The following FBXL4 variants were observed in gnomAD, a reference collection of about 807,000 sequenced individuals.
FBXL4 encodes F-box and leucine rich repeat protein 4.
FBXL4 carries 40 observed loss-of-function variants against 58.9 expected under a neutral mutation model. That is an observed-to-expected ratio of 0.68 (90% CI 0.53 to 0.88). The LOEUF is 0.88. Among genes scored for constraint, FBXL4 ranks in the 40% least tolerant of loss-of-function variants. FBXL4 has a pLI of 0.00. For missense variants in FBXL4, 676 were observed against 734.4 expected (o/e 0.92, Z 0.92); for synonymous variants, 263 against 265.5 (o/e 0.99, Z 0.09).
chr6:98,894,911 A>AAAATTCTG (rs1284595716), intron 7 of FBXL4, among the ~76,000 whole-genome samples: 2 of 152,190 alleles, frequency 1.3e-5, no homozygotes, highest in Admixed American at 1.3e-4. Flanking sequence ...TATAAGGCTA[A>AAAATTCTG]AAATTCTGAA....
intron 8 of FBXL4, among the ~76,000 whole-genome samples, chr6:98,878,560 T>C (rs765050796): frequency 2.6e-5 from 4 of 152,028 alleles, no homozygotes; most frequent in Non-Finnish European, 4.4e-5. Context: ...GCCTTTAAAA[T>C]TGATTATCCT....
chr6:98,880,313 T>A (rs551403981), intron 8 of FBXL4, among the ~76,000 whole-genome samples: 1 of 152,334 alleles, frequency 6.6e-6, no homozygotes, highest in African/African-American at 2.4e-5. Context: ...GAGGCAGAAC[T>A]ATACTCTATT....
At chr6:98,898,810 G>C (rs1771499099) in intron 7 of FBXL4, 3 of 985,216 alleles carry the variant, frequency 3.0e-6, no homozygotes, top group Non-Finnish European at 3.6e-6. Flanking sequence ...AAAGCAAGTA[G>C]ACTAATATAT....
intron 7 of FBXL4, chr6:98,898,235 G>T: frequency 1.0e-6 from 1 of 954,410 alleles, no homozygotes; most frequent in Non-Finnish European, 1.2e-6. Context: ...CCCTGAGCTG[G>T]GACCAGGTCA....
At position 98,899,356 on chromosome 6, in the gene FBXL4, G is replaced by A. The variant is rs1554218821; in HGVS notation, c.1229C>T (p.Ser410Phe). The A allele has an allele frequency of 6.2e-7, 1 of 1,613,962 alleles. No homozygotes were observed. ...AGCTTGAGGTGGTAGCTTATCACAG[G>A]AGGAGAGATTTAAGGCCTGTAGATT... is the stretch of plus-strand genomic sequence containing the variant. ...CPNLQALNLS[S>F]CDKLPPQAFN... The change falls in exon 7 of 10, where the codon TCC becomes TTC. Residue 410 changes from serine to phenylalanine, a missense_variant. Transcript: ENST00000369244.
chr6:98,879,654 G>A (rs551367534), intron 8 of FBXL4, among the ~76,000 whole-genome samples: 4 of 152,020 alleles, frequency 2.6e-5, no homozygotes, highest in East Asian at 1.9e-4. Flanking sequence ...AGGCCGAGGC[G>A]GGCGGATCAC....
chr6:98,914,752 C>A (rs1772264481), intron 5 of FBXL4, among the ~76,000 whole-genome samples: 1 of 152,202 alleles, frequency 6.6e-6, no homozygotes, highest in Admixed American at 6.5e-5. Context: ...CCTTTGAAAA[C>A]TGGCACAAGA....
intron 7 of FBXL4, among the ~76,000 whole-genome samples, chr6:98,892,152 T>G (rs114035260): frequency 6.6e-6 from 1 of 152,348 alleles, no homozygotes; most frequent in South Asian, 2.1e-4. Context: ...TTAAACTTAT[T>G]ATCAGCTATT....
At chr6:98,912,455 C>A (rs1224889948) in intron 5 of FBXL4, among the ~76,000 whole-genome samples, 5 of 152,062 alleles carry the variant, frequency 3.3e-5, no homozygotes, top group Non-Finnish European at 7.4e-5. Flanking sequence ...CAAGGGAAGC[C>A]CATCAGACTA....
At chr6:98,898,410 T>C (rs1476333334) in intron 7 of FBXL4, 4 of 985,268 alleles carry the variant, frequency 4.1e-6, no homozygotes, top group Non-Finnish European at 4.8e-6. Flanking sequence ...TGTAAAACCA[T>C]GCACAGGCTC....
In FBXL4 at chr6:98,917,597, G is replaced by C. The variant is rs1289649107; in HGVS notation, c.635C>G (p.Ser212Cys). Residue 212 changes from serine (S) to cysteine (C), a missense_variant, in exon 5 of 10, where the codon TCT becomes TGT. Ser to Cys is a moderately radical substitution (Grantham distance 112). Coordinates refer to ENST00000369244, the MANE Select transcript of FBXL4 (RefSeq NM_001278716.2). ...TNLIRLEVNS[S>C]LLEYYTELDA... ...TAATTCAGTGTAATATTCCAGAAGA[G>C]AACTATTTACTTCCAGTCGTATAAG... 6.2e-7 allele frequency: 1 copy of C among 1,613,842 alleles called. No homozygotes were observed. Among genetic ancestry groups the C allele is most frequent in the Non-Finnish European group, 8.5e-7 (1 of 1,179,904 alleles).
At chr6:98,893,901 A>G (rs1771321534) in intron 7 of FBXL4, among the ~76,000 whole-genome samples, 1 of 152,182 alleles carries the variant, frequency 6.6e-6, no homozygotes. Flanking sequence ...TTTTTGAGAC[A>G]GGGTCTTGCT....
intron 7 of FBXL4, among the ~76,000 whole-genome samples, chr6:98,884,423 A>G (rs1438049033): frequency 6.6e-6 from 1 of 152,114 alleles, no homozygotes; most frequent in Non-Finnish European, 1.5e-5. Flanking sequence ...AATAAATTTT[A>G]TTGTGCATAT....
intron 5 of FBXL4, among the ~76,000 whole-genome samples, 186 bp from the exon 6 acceptor site, chr6:98,905,856 A>C (rs917583422): frequency 6.6e-6 from 1 of 152,202 alleles, no homozygotes; most frequent in Admixed American, 6.6e-5. Context: ...ACTGTAGTGC[A>C]TTTCAAGATT....
chr6:98,923,580 A>G lies in FBXL4; in HGVS notation c.512+2897T>C, dbSNP rs568773093. Among the ~76,000 whole-genome samples the G allele has an allele frequency of 2.0e-5, 3 of 152,226 alleles. No homozygotes were observed. In the South Asian group the frequency reaches 6.2e-4, roughly 32 times the overall value. ...GAGCCTCACTCAACCCTCAGGTCCCAGGTAAGTCACTTCCCCAGGGAAGCC... is the reference window on the plus strand; with the variant it reads ...GAGCCTCACTCAACCCTCAGGTCCCGGGTAAGTCACTTCCCCAGGGAAGCC... On this transcript the variant is annotated intron_variant, in intron 4 of 9. Coordinates refer to ENST00000369244, the MANE Select transcript of FBXL4 (RefSeq NM_001278716.2).
chr6:98,928,649 G>C (rs1772886037), intron 2 of FBXL4, among the ~76,000 whole-genome samples: 2 of 152,036 alleles, frequency 1.3e-5, no homozygotes, highest in Non-Finnish European at 2.9e-5. Flanking sequence ...CTTTAATAGA[G>C]CAATGCACTA....
rs988403785 is a variant in FBXL4 at position 98,899,032 on chromosome 6, T to G, written c.1317+236A>C. ...TTATTTTTTTTCCTGGGGACATAAA[T>G]AGCATCACAAAAATTTTAAGAGCAT... On this transcript the variant is annotated intron_variant, in intron 7 of 9. Transcript: ENST00000369244. The G allele has an allele frequency of 6.1e-6, 6 of 985,272 alleles. No homozygotes were observed. In the African/African-American group the frequency reaches 1.0e-4, roughly 17 times the overall value. 61.0% of individuals were successfully genotyped at this position (985,272 alleles called of 1,614,324 possible).
chr6:98,873,364 T>C lies in FBXL4; in HGVS notation c.*914A>G, dbSNP rs190757455. 9.6e-4 allele frequency: 142 copies of C among 148,598 alleles called. No homozygotes were observed. The highest frequency in any genetic ancestry group is 3.3e-3 in the African/African-American group (137 of 40,934). The allele number at this position is 148,598 out of a possible 1,614,324, so 9.2% of individuals were successfully genotyped here. A position where few individuals can be genotyped will look rare whatever the true frequency, so the allele number is the denominator to read the frequency against. On this transcript the variant is annotated 3_prime_UTR_variant, in exon 10 of 10. Coordinates refer to ENST00000369244, the MANE Select transcript of FBXL4 (RefSeq NM_001278716.2). ...CTATAATATGTATATATAATGTGTATATATAATATATATCTCCACATTTAT... is the reference window on the plus strand; with the variant it reads ...CTATAATATGTATATATAATGTGTACATATAATATATATCTCCACATTTAT...
intron 8 of FBXL4, among the ~76,000 whole-genome samples, chr6:98,880,243 A>G (rs1351018568): frequency 6.6e-6 from 1 of 152,168 alleles, no homozygotes; most frequent in African/African-American, 2.4e-5. Context: ...TATGACTAAC[A>G]CCTTAGTTTG....
Sources: gnomAD v4.1 joint callset for allele counts (sites outside exome capture counted in the v4.1 genomes callset) on GRCh38, gnomAD v4.1.1 for gene constraint, MANE v1.5 for transcripts, NCBI Gene and HGNC (gene_info 2026-07-23, HGNC 2026-07-21) for gene names.